SOX5: variants seen among roughly 807,000 people sequenced by gnomAD.
The protein encoded by SOX5 is SRY-box transcription factor 5.
In SOX5, 9 loss-of-function variants were observed where a neutral mutation model predicts 92.0. The ratio of observed to expected loss-of-function variants is 0.10; its 90% CI spans 0.06 to 0.17. SOX5 has a LOEUF of 0.17. SOX5 is among the 10% of genes least tolerant of loss of function. The probability of loss-of-function intolerance (pLI) is 1.00; values close to 1 mark genes in which losing one functional copy is unlikely to be tolerated. For synonymous variants in SOX5, 344 were observed against 336.3 expected (o/e 1.02, Z -0.25); for missense variants, 642 against 944.5 (o/e 0.68, Z 4.20).
intron 3 of SOX5, among the ~76,000 whole-genome samples, chr12:23,789,459 T>C (rs1364685532): frequency 6.6e-6 from 1 of 152,134 alleles, no homozygotes; most frequent in African/African-American, 2.4e-5. Context: ...TTTTATTCTA[T>C]CTGCCTCTGG....
chr12:23,683,613 A>C (rs1479451), intron 6 of SOX5, among the ~76,000 whole-genome samples: 121,128 of 151,888 alleles, frequency 0.8, 48,504 homozygotes, highest in East Asian at 0.92. Flanking sequence ...AACCTTTAGT[A>C]TGTAAATGGT....
At chr12:24,137,820 A>G (rs553457505) in intron 4 of SOX5, among the ~76,000 whole-genome samples, 1 of 152,356 alleles carries the variant, frequency 6.6e-6, no homozygotes, top group South Asian at 2.1e-4. Context: ...ATCAGTAAAA[A>G]GACACGTAAA....
chr12:24,541,306 T>C (rs1459196908), intron 1 of SOX5, among the ~76,000 whole-genome samples: 2 of 152,232 alleles, frequency 1.3e-5, no homozygotes, highest in African/African-American at 2.4e-5. Context: ...GCTCCTTTAT[T>C]ATTGCACTTC....
intron 4 of SOX5, among the ~76,000 whole-genome samples, chr12:24,162,900 G>A (rs558912301): frequency 2.6e-5 from 4 of 152,256 alleles, no homozygotes; most frequent in South Asian, 2.1e-4. Flanking sequence ...CCCAGATGAT[G>A]GGCACTGATG....
chr12:24,102,221 T>G (rs1308230186), intron 4 of SOX5, among the ~76,000 whole-genome samples: 1 of 152,162 alleles, frequency 6.6e-6, no homozygotes, highest in Non-Finnish European at 1.5e-5. Context: ...ACAAATTGTG[T>G]CTTTTAACAG....
At chr12:24,452,927 C>T (rs116914727) in intron 1 of SOX5, among the ~76,000 whole-genome samples, 2,778 of 152,282 alleles carry the variant, frequency 0.018, 40 homozygotes, top group Admixed American at 0.037. Context: ...AGCAAACCAG[C>T]TGGCTTCAAT....
chr12:23,833,834 A>C (rs781314336), intron 3 of SOX5, among the ~76,000 whole-genome samples: 2 of 151,946 alleles, frequency 1.3e-5, no homozygotes, highest in African/African-American at 4.8e-5. Context: ...GTGTGAGGAT[A>C]TATTTAAAAA....
At chr12:24,425,320 T>A (rs1966597314) in intron 1 of SOX5, among the ~76,000 whole-genome samples, 1 of 152,208 alleles carries the variant, frequency 6.6e-6, no homozygotes, top group African/African-American at 2.4e-5. Flanking sequence ...AACACACAAC[T>A]AAGTTTTCTC....
chr12:23,613,934 T>C (rs1243007733), intron 8 of SOX5, among the ~76,000 whole-genome samples: 2 of 152,184 alleles, frequency 1.3e-5, no homozygotes, highest in Non-Finnish European at 2.9e-5. Flanking sequence ...AGGACAGGTT[T>C]GAATTTAGAA....
chr12:24,110,936 T>C (rs1254340490), intron 4 of SOX5, among the ~76,000 whole-genome samples: 1 of 141,654 alleles, frequency 7.1e-6, no homozygotes, highest in Non-Finnish European at 1.5e-5. Flanking sequence ...AAAGAAGGTA[T>C]GGATTTAAAG....
chr12:24,451,266 T>C (rs976206985), intron 1 of SOX5, among the ~76,000 whole-genome samples: 1 of 152,216 alleles, frequency 6.6e-6, no homozygotes, highest in Non-Finnish European at 1.5e-5. Flanking sequence ...GGGGTGCAGA[T>C]ATCTCATATA....
intron 1 of SOX5, among the ~76,000 whole-genome samples, chr12:24,557,808 G>C (rs1045403960): frequency 2.6e-5 from 4 of 152,142 alleles, no homozygotes; most frequent in African/African-American, 9.7e-5. Context: ...AATAGAAAAT[G>C]AATGGACTTA....
At chr12:23,714,233 T>G (rs2092313181) in intron 6 of SOX5, among the ~76,000 whole-genome samples, 1 of 152,216 alleles carries the variant, frequency 6.6e-6, no homozygotes, top group Admixed American at 6.5e-5. Flanking sequence ...CTAAAATTTA[T>G]CTTCTAAATA....
At chr12:23,977,049 C>T (rs1278032927) in intron 4 of SOX5, among the ~76,000 whole-genome samples, 1 of 152,004 alleles carries the variant, frequency 6.6e-6, no homozygotes, top group Non-Finnish European at 1.5e-5. Context: ...ACCTCATTAT[C>T]CTTATGGAAA....
chr12:23,902,644 A>G (rs1292757796), intron 1 of SOX5, among the ~76,000 whole-genome samples: 1 of 152,106 alleles, frequency 6.6e-6, no homozygotes, highest in Non-Finnish European at 1.5e-5. Flanking sequence ...GAAAACAAGA[A>G]TGTCATTTTT....
chr12:23,922,129 TC>T (rs1316832668), intron 1 of SOX5, among the ~76,000 whole-genome samples: 1 of 152,206 alleles, frequency 6.6e-6, no homozygotes, highest in African/African-American at 2.4e-5. Flanking sequence ...AGTGTGTTCG[TC>T]CTTTAAAAAA....
chr12:23,966,197 A>G (rs1277041369), intron 4 of SOX5, among the ~76,000 whole-genome samples: 1 of 106,892 alleles, frequency 9.4e-6, no homozygotes, highest in Non-Finnish European at 1.8e-5. Flanking sequence ...AGGGACACTC[A>G]ATATCCAAAA....
intron 8 of SOX5, among the ~76,000 whole-genome samples, chr12:23,636,505 T>C (rs1592800599): frequency 2.0e-5 from 3 of 152,302 alleles, no homozygotes; most frequent in Admixed American, 2.0e-4. Flanking sequence ...TGAACAATTA[T>C]ATGCAAAAGG....
intron 7 of SOX5, among the ~76,000 whole-genome samples, chr12:23,662,170 T>G (rs1545768): frequency 0.71 from 106,860 of 150,568 alleles, 38,078 homozygotes; most frequent in African/African-American, 0.76. Context: ...TATATATATA[T>G]AGAGAGAGAG....
Sources: gnomAD v4.1 joint callset for allele counts (sites outside exome capture counted in the v4.1 genomes callset) on GRCh38, gnomAD v4.1.1 for gene constraint, MANE v1.5 for transcripts, NCBI Gene and HGNC (gene_info 2026-07-23, HGNC 2026-07-21) for gene names.